SPHKAP: variants seen among roughly 807,000 people sequenced by gnomAD.
SPHKAP encodes A-kinase anchor protein SPHKAP.
Under a neutral mutation model 137.5 loss-of-function variants are expected in SPHKAP, and 67 were observed. The observed-to-expected ratio is 0.49, with a 90% CI of 0.40 to 0.60. The LOEUF (loss-of-function observed/expected upper bound fraction) is 0.60. SPHKAP is among the 20% of genes least tolerant of loss of function. SPHKAP has a pLI of 0.00. For synonymous variants in SPHKAP, 813 were observed against 785.3 expected, an observed-to-expected ratio of 1.04 and a Z score of -0.59; for missense variants, 2,097 against 2,069.3, an observed-to-expected ratio of 1.01 and a Z score of -0.26.
chr2:228,045,788 T>C (rs1021001899), intron 3 of SPHKAP, among the ~76,000 whole-genome samples: 5 of 151,940 alleles, frequency 3.3e-5, no homozygotes, highest in African/African-American at 1.2e-4. Flanking sequence ...CTGGAGGACA[T>C]TATGCTAGAT....
intron 3 of SPHKAP, among the ~76,000 whole-genome samples, chr2:228,092,114 T>C (rs1412901701): frequency 7.3e-6 from 1 of 137,292 alleles, no homozygotes; most frequent in African/African-American, 2.7e-5. Flanking sequence ...TATATACACA[T>C]ATATACATAT....
chr2:228,059,248 G>T (rs1048097632), intron 3 of SPHKAP, among the ~76,000 whole-genome samples: 1 of 152,110 alleles, frequency 6.6e-6, no homozygotes, highest in South Asian at 2.1e-4. Flanking sequence ...CATTCCACTC[G>T]ATTAAATACC....
rs375253451 is a variant in SPHKAP at position 228,047,750 on chromosome 2, TCTAA to T, written c.247-20211_247-20208del. Reference sequence around the variant, plus strand: ...CTTGCAGTTTGGTGGGCTAAACTAGTCTAACTGTTTGATGATCTGAAACTTGAAA... The same window carrying T: ...CTTGCAGTTTGGTGGGCTAAACTAGTCTGTTTGATGATCTGAAACTTGAAA... On this transcript the variant is annotated intron_variant, in intron 3 of 11. Transcript: ENST00000392056. Among the ~76,000 whole-genome samples, 173 of 152,280 alleles carry T rather than the reference TCTAA, an allele frequency of 1.1e-3. 1 individual carries two copies. Among genetic ancestry groups the T allele is most frequent in the Middle Eastern group, 3.4e-3 (1 of 294 alleles).
intron 3 of SPHKAP, among the ~76,000 whole-genome samples, chr2:228,038,813 G>A (rs34897696): frequency 0.24 from 35,785 of 152,002 alleles, 4,562 homozygotes; most frequent in South Asian, 0.43. Context: ...ACAAGAAAGG[G>A]ACATTTGTAA....
At chr2:228,134,960 C>T (rs1163701870) in intron 1 of SPHKAP, among the ~76,000 whole-genome samples, 5 of 152,102 alleles carry the variant, frequency 3.3e-5, no homozygotes, top group Admixed American at 3.3e-4. Context: ...CCGCTCCTTC[C>T]AGATATGAAA....
At chr2:228,004,152 G>T (rs1028357888) in intron 7 of SPHKAP, among the ~76,000 whole-genome samples, 2 of 152,158 alleles carry the variant, frequency 1.3e-5, no homozygotes, top group Non-Finnish European at 2.9e-5. Context: ...GCTCCTCCTT[G>T]TACCTCTGGT....
rs185637753 is a variant in SPHKAP, at chr2:228,155,062, T to C, written c.33-22977A>G. 6.2e-3 allele frequency among the ~76,000 whole-genome samples: 951 copies of C among 152,258 alleles called. 12 individuals are homozygous for C. The highest frequency in any genetic ancestry group is 5.8e-3 in the Non-Finnish European group (396 of 68,014). ...TTTTCATCCAAGTTAACCTCAATTA[T>C]TGTGGTTTCACTGAAAGTTTTCTTA... On this transcript the variant is annotated intron_variant, in intron 1 of 11. Coordinates refer to ENST00000392056, the MANE Select transcript of SPHKAP (RefSeq NM_001142644.2).
chr2:228,085,702 A>G (rs926943210), intron 3 of SPHKAP, among the ~76,000 whole-genome samples: 6 of 152,194 alleles, frequency 3.9e-5, no homozygotes, highest in Middle Eastern at 3.2e-3. Flanking sequence ...AAGGCTTTTA[A>G]TGGCTTCTCT....
chr2:228,152,208 G>A (rs890155260), intron 1 of SPHKAP, among the ~76,000 whole-genome samples: 9 of 152,040 alleles, frequency 5.9e-5, no homozygotes, highest in African/African-American at 2.2e-4. Flanking sequence ...CTATATAGTT[G>A]CATTAAGTTA....
chr2:228,006,140 A>C (rs888746918), intron 7 of SPHKAP, among the ~76,000 whole-genome samples: 41 of 152,152 alleles, frequency 2.7e-4, no homozygotes, highest in African/African-American at 9.2e-4. Context: ...AGTGTTTTCC[A>C]AGTCGGTTCC....
rs768599170 is a variant in SPHKAP, at chr2:227,995,603, C to T, written c.4540G>A (p.Glu1514Lys). 6.7e-5 allele frequency: 108 copies of T among 1,613,910 alleles called. No individual in the cohort carries two copies. The highest frequency in any genetic ancestry group is 1.6e-4 in the Middle Eastern group (1 of 6,084). Reference protein sequence around the residue: ...DEAPNPPSSSEESTGSWTQLA... With the variant: ...DEAPNPPSSSKESTGSWTQLA... The stretch of plus-strand genomic sequence containing the variant: ...TGGGTCCAGCTGCCTGTGCTCTCCT[C>T]GCTGCTGCTTGGAGGGTTGGGGGCC... The change falls in exon 8 of 12, where the codon GAG (glutamate) becomes AAG (lysine). Residue 1514 changes from glutamate (E) to lysine (K), a missense_variant. Transcript: ENST00000392056.
Position 228,018,416 on chromosome 2 carries a change from T to A in SPHKAP, c.2438A>T (p.Gln813Leu), listed in dbSNP as rs1201164918. Residue 813 changes from glutamine (Q) to leucine (L), a missense_variant, in exon 7 of 12, where the codon CAA becomes CTA. Coordinates refer to ENST00000392056, the MANE Select transcript of SPHKAP (RefSeq NM_001142644.2). ...GGGCACTCTGTGACTACGTGATAAT[T>A]GTGACTGCAGCGTGGGGTTCTTGAA... ...GLFKNPTLQS[Q>L]LSRSHRVPDS... The A allele has an allele frequency of 1.9e-6, 3 of 1,613,966 alleles. No homozygotes were observed. The highest frequency in any genetic ancestry group is 2.5e-6 in the Non-Finnish European group (3 of 1,179,962).
chr2:228,017,573 C>T lies in SPHKAP; in HGVS notation c.3281G>A (p.Arg1094Lys). ...TAAGCCCAGGCTGTTGACATAGGCCCTGGCCTCGGAGTCTTCCTCAGGAAT... is the reference window on the plus strand; with the variant it reads ...TAAGCCCAGGCTGTTGACATAGGCCTTGGCCTCGGAGTCTTCCTCAGGAAT... Reference protein sequence around the residue: ...ESIPEEDSEARAYVNSLGLMS... With the variant: ...ESIPEEDSEAKAYVNSLGLMS... Residue 1094 changes from arginine (R) to lysine (K), a missense_variant, in exon 7 of 12, where the codon AGG becomes AAG. Coordinates refer to ENST00000392056, the MANE Select transcript of SPHKAP (RefSeq NM_001142644.2). 3.1e-6 allele frequency: 5 copies of T among 1,613,774 alleles called. No homozygotes were observed. Among genetic ancestry groups the T allele is most frequent in the Non-Finnish European group, 4.2e-6 (5 of 1,179,994 alleles).
At chr2:228,174,345 T>G (rs1700677085) in intron 1 of SPHKAP, among the ~76,000 whole-genome samples, 1 of 151,974 alleles carries the variant, frequency 6.6e-6, no homozygotes, top group Non-Finnish European at 1.5e-5. Context: ...TTCTCAGAAT[T>G]TGGGGTGAAA....
intron 2 of SPHKAP, among the ~76,000 whole-genome samples, chr2:228,115,854 G>A (rs952905547): frequency 3.3e-5 from 5 of 152,042 alleles, no homozygotes; most frequent in African/African-American, 7.2e-5. Context: ...GGTTAAAATC[G>A]AATCCCCAAT....
In SPHKAP at chr2:228,181,537, G is replaced by A. The variant is rs1700913981; in HGVS notation, c.32+30C>T. On this transcript the variant is annotated intron_variant, in intron 1 of 11. Coordinates refer to ENST00000392056, the MANE Select transcript of SPHKAP (RefSeq NM_001142644.2). The surrounding 1 kb of genome is among the most constrained non-coding windows in gnomAD (Gnocchi z 4.3). ...CGCGGAACGGAGTTTGATCGACATG[G>A]TATTGGGCATAGAAAGAAGCGGGTC... is the stretch of plus-strand genomic sequence containing the variant. The A allele has an allele frequency of 1.9e-6, 3 of 1,614,190 alleles. No homozygotes were observed. Among genetic ancestry groups the A allele is most frequent in the Non-Finnish European group, 2.5e-6 (3 of 1,180,018 alleles).
At chr2:228,039,434 TAC>T (rs1695756978) in intron 3 of SPHKAP, among the ~76,000 whole-genome samples, 1 of 128,526 alleles carries the variant, frequency 7.8e-6, no homozygotes, top group East Asian at 2.1e-4. Context: ...CTATAGGAAA[TAC>T]ACAGTTTTTT....
chr2:228,013,002 A>C (rs1362922111), intron 7 of SPHKAP, among the ~76,000 whole-genome samples: 1 of 152,166 alleles, frequency 6.6e-6, no homozygotes, highest in Non-Finnish European at 1.5e-5. Flanking sequence ...AGTAGCCTAA[A>C]ATTATTTTCA....
At chr2:228,039,711 AAC>A (rs1286337995) in intron 3 of SPHKAP, among the ~76,000 whole-genome samples, 4 of 152,190 alleles carry the variant, frequency 2.6e-5, no homozygotes, top group Admixed American at 2.6e-4. Context: ...GTATTTTCTA[AAC>A]AGTTTTATTT....
Sources: allele counts gnomAD v4.1 joint callset (sites outside exome capture counted in the v4.1 genomes callset), GRCh38; gene constraint gnomAD v4.1.1; non-coding constraint Gnocchi (gnomAD v3.1); transcripts MANE v1.5; gene names NCBI Gene and HGNC (gene_info 2026-07-23, HGNC 2026-07-21).